Variants in DIAPH3 observed in about 807,000 individuals in gnomAD.
DIAPH3 encodes diaphanous related formin 3.
DIAPH3 carries 117 observed loss-of-function variants against 144.3 expected under a neutral mutation model. The ratio of observed to expected loss-of-function variants is 0.81; its 90% CI spans 0.70 to 0.95. DIAPH3 has a LOEUF of 0.95. Among genes scored for constraint, DIAPH3 ranks in the 40% least tolerant of loss-of-function variants. The pLI, the probability that DIAPH3 is intolerant of heterozygous loss-of-function variation, is 0.00. For synonymous variants in DIAPH3, 519 were observed against 488.9 expected, an observed-to-expected ratio of 1.06 and a Z score of -0.81; for missense variants, 1,421 against 1,412.7, an observed-to-expected ratio of 1.01 and a Z score of -0.09.
At position 60,129,700 on chromosome 13, in the gene DIAPH3, A is replaced by T. The variant is rs549623259; in HGVS notation, c.213+3257T>A. On this transcript the variant is annotated intron_variant, in intron 2 of 27. Transcript: ENST00000400324. ...ATTCACATTAAGAATTTCTACGTTG[A>T]AAGCATACATGCAATGTGTATGTTG... Among the ~76,000 whole-genome samples the T allele has an allele frequency of 2.0e-5, 3 of 152,328 alleles. No homozygotes were observed. In the East Asian group the frequency reaches 5.8e-4, roughly 29 times the overall value.
intron 9 of DIAPH3, among the ~76,000 whole-genome samples, chr13:60,000,327 C>T (rs1413892842): frequency 2.0e-5 from 3 of 151,832 alleles, no homozygotes; most frequent in Non-Finnish European, 4.4e-5. Context: ...ATAAGGGTTG[C>T]ACAACAATGT....
intron 5 of DIAPH3, among the ~76,000 whole-genome samples, chr13:60,018,811 G>T (rs1168655900): frequency 2.6e-5 from 4 of 151,990 alleles, no homozygotes; most frequent in Admixed American, 1.3e-4. Flanking sequence ...AGAAAAGTGG[G>T]ACAGGGTACA....
At chr13:60,101,839 C>G (rs150401624) in intron 3 of DIAPH3, among the ~76,000 whole-genome samples, 1 of 152,114 alleles carries the variant, frequency 6.6e-6, no homozygotes, top group Admixed American at 6.5e-5. Flanking sequence ...TTTCTTGGCC[C>G]CAGTAAAAAC....
At chr13:60,058,356 C>A (rs1353860765) in intron 4 of DIAPH3, among the ~76,000 whole-genome samples, 1 of 151,850 alleles carries the variant, frequency 6.6e-6, no homozygotes, top group Non-Finnish European at 1.5e-5. Flanking sequence ...CATTACTCAG[C>A]TAGAATGATC....
intron 9 of DIAPH3, among the ~76,000 whole-genome samples, chr13:59,999,436 T>G (rs530665160): frequency 2.6e-5 from 4 of 151,084 alleles, no homozygotes; most frequent in Non-Finnish European, 5.9e-5. Flanking sequence ...GATTGAAGAG[T>G]TTTTTTTTAA....
chr13:59,908,393 A>T (rs9563774), intron 20 of DIAPH3, among the ~76,000 whole-genome samples: 1 of 111,292 alleles, frequency 9.0e-6, no homozygotes, highest in Non-Finnish European at 1.8e-5. Flanking sequence ...AAAAAAAAAA[A>T]AGTAAGACAT....
intron 21 of DIAPH3, among the ~76,000 whole-genome samples, chr13:59,863,312 AT>A (rs2043713756): frequency 6.6e-6 from 1 of 152,164 alleles, no homozygotes; most frequent in Non-Finnish European, 1.5e-5. Context: ...TTCTACCAGA[AT>A]TTAATTTACA....
chr13:60,016,918 G>A (rs747583764), intron 5 of DIAPH3, among the ~76,000 whole-genome samples: 1 of 151,984 alleles, frequency 6.6e-6, no homozygotes, highest in Non-Finnish European at 1.5e-5. Context: ...AAACTACCTC[G>A]CTAGAAATGA....
chr13:60,126,512 C>T (rs574210490), intron 2 of DIAPH3, among the ~76,000 whole-genome samples: 2 of 152,232 alleles, frequency 1.3e-5, no homozygotes, highest in African/African-American at 4.8e-5. Context: ...TCTAAAATCA[C>T]AGTGGGAGAC....
At chr13:59,915,256 T>C (rs1452587318) in intron 19 of DIAPH3, among the ~76,000 whole-genome samples, 1 of 152,040 alleles carries the variant, frequency 6.6e-6, no homozygotes, top group East Asian at 1.9e-4. Context: ...CTGAATCAGG[T>C]AGTTTATGAG....
chr13:60,015,879 G>A (rs1185105112), intron 7 of DIAPH3, 34 bp downstream of exon 7: 1 of 1,560,244 alleles, frequency 6.4e-7, no homozygotes, highest in Admixed American at 1.7e-5. Context: ...TACAAAATTG[G>A]TGACGGACAA....
chr13:60,162,809 TCACACACACACACACACA>T lies in DIAPH3; in HGVS notation c.180+760_180+777del, dbSNP rs35687460. 5.4e-4 allele frequency among the ~76,000 whole-genome samples: 66 copies of T among 122,424 alleles called. 2 individuals carry two copies. Among genetic ancestry groups the T allele is most frequent in the Non-Finnish European group, 5.0e-5 (3 of 59,594 alleles). The allele number at this position is 122,424 out of a possible 152,430, so 80.3% of individuals were successfully genotyped here. ...CTCTCTCTCTCTCTCTCTCTCTCTC[TCACACACACACACACACA>T]CACACACACACACACACAGTTTTTC... On this transcript the variant is annotated intron_variant, in intron 1 of 27. Transcript: ENST00000400324.
At chr13:60,157,535 C>T (rs949972996) in intron 1 of DIAPH3, among the ~76,000 whole-genome samples, 4 of 152,158 alleles carry the variant, frequency 2.6e-5, no homozygotes, top group Admixed American at 6.5e-5. Flanking sequence ...TATGGTTATA[C>T]AACTGCTTTA....
intron 20 of DIAPH3, among the ~76,000 whole-genome samples, chr13:59,899,669 T>C (rs1443908054): frequency 2.0e-5 from 3 of 152,218 alleles, no homozygotes; most frequent in African/African-American, 4.8e-5. Flanking sequence ...TGTAGGGTTA[T>C]AGGTAAAACA....
At chr13:59,960,568 C>T (rs565809513) in intron 17 of DIAPH3, among the ~76,000 whole-genome samples, 63 of 152,286 alleles carry the variant, frequency 4.1e-4, no homozygotes, top group Non-Finnish European at 7.8e-4. Flanking sequence ...CAAATAAAGG[C>T]TCTCTATGCC....
intron 27 of DIAPH3, among the ~76,000 whole-genome samples, chr13:59,686,128 T>A (rs777974491): frequency 3.0e-4 from 46 of 152,132 alleles, no homozygotes; most frequent in Non-Finnish European, 5.6e-4. Flanking sequence ...CAAATAAAAT[T>A]ACATTGAAAA....
intron 4 of DIAPH3, among the ~76,000 whole-genome samples, chr13:60,085,970 T>C (rs1002955663): frequency 1.3e-5 from 2 of 152,144 alleles, no homozygotes; most frequent in African/African-American, 2.4e-5. Flanking sequence ...TGACCTCTAA[T>C]GCCAACAAGC....
At chr13:59,739,913 A>G (rs376443098) in intron 27 of DIAPH3, among the ~76,000 whole-genome samples, 3 of 152,198 alleles carry the variant, frequency 2.0e-5, no homozygotes, top group African/African-American at 7.2e-5. Context: ...TTTGCTGTGC[A>G]CCGACAACTT....
At chr13:59,857,945 T>C (rs1465826145) in intron 22 of DIAPH3, among the ~76,000 whole-genome samples, 2 of 152,042 alleles carry the variant, frequency 1.3e-5, no homozygotes, top group African/African-American at 4.8e-5. Context: ...CCAAGCAGGA[T>C]TTTTTCAAGT....
Sources: allele counts gnomAD v4.1 joint callset (sites outside exome capture counted in the v4.1 genomes callset), GRCh38; gene constraint gnomAD v4.1.1; transcripts MANE v1.5; gene names NCBI Gene and HGNC (gene_info 2026-07-23, HGNC 2026-07-21).